CCDC7: variants seen among roughly 807,000 people sequenced by gnomAD.
CCDC7 encodes coiled-coil domain containing 7, also known as coiled-coil domain-containing protein 7.
In CCDC7, 183 loss-of-function variants were observed where a neutral mutation model predicts 196.9. The ratio of observed to expected loss-of-function variants is 0.93; its 90% CI spans 0.82 to 1.05. The LOEUF (loss-of-function observed/expected upper bound fraction) is 1.05. Ranked by LOEUF, CCDC7 falls within the 50% of genes least tolerant of loss-of-function variation. The pLI is 0.00. For synonymous variants in CCDC7, 525 were observed against 484.6 expected (o/e 1.08, Z -1.10); for missense variants, 1,540 against 1,482.2 (o/e 1.04, Z -0.64).
intron 29 of CCDC7, among the ~76,000 whole-genome samples, chr10:32,786,053 G>A (rs941436388): frequency 3.9e-5 from 6 of 152,166 alleles, no homozygotes; most frequent in Admixed American, 1.3e-4. Flanking sequence ...AGAATTAACT[G>A]CAAATACTGT....
chr10:32,499,689 A>G (rs2043571491), intron 9 of CCDC7, among the ~76,000 whole-genome samples: 1 of 151,156 alleles, frequency 6.6e-6, no homozygotes, highest in African/African-American at 2.4e-5. Context: ...TAGTGGAGGG[A>G]AGGTCAGCAG....
intron 15 of CCDC7, among the ~76,000 whole-genome samples, chr10:32,568,683 A>G (rs1295741017): frequency 6.6e-6 from 1 of 152,230 alleles, no homozygotes; most frequent in Non-Finnish European, 1.5e-5. Context: ...AAAATCTGCT[A>G]GTCATTTTAT....
intron 24 of CCDC7, among the ~76,000 whole-genome samples, chr10:32,697,913 A>C (rs796421527): frequency 3.3e-5 from 5 of 152,320 alleles, no homozygotes; most frequent in African/African-American, 1.2e-4. Context: ...ACTGGGAGAC[A>C]TCTCCCAGTA....
intron 25 of CCDC7, among the ~76,000 whole-genome samples, chr10:32,713,249 A>G (rs1411529594): frequency 3.3e-5 from 5 of 152,270 alleles, no homozygotes; most frequent in Admixed American, 6.5e-5. Flanking sequence ...ATTAAAAACT[A>G]GAAAGAATTA....
At chr10:32,516,638 C>T (rs1275287660) in intron 9 of CCDC7, among the ~76,000 whole-genome samples, 2 of 152,098 alleles carry the variant, frequency 1.3e-5, no homozygotes, top group African/African-American at 4.8e-5. Flanking sequence ...CCACTTTACA[C>T]CCACTAGGAT....
chr10:32,708,262 T>A (rs1171243151), intron 24 of CCDC7, among the ~76,000 whole-genome samples: 1 of 152,218 alleles, frequency 6.6e-6, no homozygotes, highest in East Asian at 1.9e-4. Flanking sequence ...GAAAACTGGC[T>A]AGCCATATGG....
chr10:32,850,158 A>G (rs2093492822), intron 39 of CCDC7, among the ~76,000 whole-genome samples: 1 of 152,202 alleles, frequency 6.6e-6, no homozygotes, highest in African/African-American at 2.4e-5. Context: ...GAGAAGAACA[A>G]GTCTGTCCTT....
intron 16 of CCDC7, among the ~76,000 whole-genome samples, chr10:32,576,784 C>T (rs2058246144): frequency 6.6e-6 from 1 of 151,978 alleles, no homozygotes; most frequent in East Asian, 1.9e-4. Context: ...CTCCTGGACT[C>T]AGGGACTTTT....
intron 32 of CCDC7, among the ~76,000 whole-genome samples, chr10:32,828,450 GA>G (rs2091523218): frequency 2.4e-5 from 2 of 83,912 alleles, no homozygotes; most frequent in African/African-American, 7.9e-5. Flanking sequence ...AGAAGAAGAA[GA>G]AGAAGAAGAA....
intron 20 of CCDC7, among the ~76,000 whole-genome samples, chr10:32,648,615 T>C (rs2068176211): frequency 6.6e-6 from 1 of 152,206 alleles, no homozygotes; most frequent in Admixed American, 6.5e-5. Context: ...GCTGAACTAA[T>C]TTACACTCCC....
chr10:32,763,817 AG>A (rs987210770), intron 28 of CCDC7, among the ~76,000 whole-genome samples: 3 of 151,878 alleles, frequency 2.0e-5, no homozygotes, highest in Non-Finnish European at 4.4e-5. Context: ...CCTGAGGCTG[AG>A]GGAAGGGGGA....
chr10:32,732,701 T>G (rs1046556724), intron 28 of CCDC7, among the ~76,000 whole-genome samples: 7 of 152,170 alleles, frequency 4.6e-5, no homozygotes, highest in Non-Finnish European at 1.0e-4. Flanking sequence ...AGCATTCTTA[T>G]GTTCACAGTA....
intron 41 of CCDC7, among the ~76,000 whole-genome samples, chr10:32,865,752 A>T (rs1310005060): frequency 6.6e-6 from 1 of 151,800 alleles, no homozygotes; most frequent in African/African-American, 2.4e-5. Context: ...ACAAATAAAT[A>T]TTGAGCTCTA....
At chr10:32,499,154 A>C (rs1191454551) in intron 9 of CCDC7, 2 of 151,774 alleles carry the variant, frequency 1.3e-5, no homozygotes, top group African/African-American at 2.4e-5. Flanking sequence ...TGAAGACAAA[A>C]GAAACATAAA....
intron 14 of CCDC7, among the ~76,000 whole-genome samples, chr10:32,566,943 C>A: frequency 7.0e-6 from 1 of 142,430 alleles, no homozygotes; most frequent in African/African-American, 2.6e-5. Context: ...TATGTATTAG[C>A]TATATATATG....
At chr10:32,448,643 T>C (rs1250680186), upstream of CCDC7, among the ~76,000 whole-genome samples, 1 of 152,112 alleles carries the variant, frequency 6.6e-6, no homozygotes, top group African/African-American at 2.4e-5. Context: ...CAGGATACCA[T>C]CAACTTTTGC....
At chr10:32,739,117 C>T (rs914033134) in intron 28 of CCDC7, among the ~76,000 whole-genome samples, 28 of 152,038 alleles carry the variant, frequency 1.8e-4, no homozygotes, top group African/African-American at 6.8e-4. Flanking sequence ...TAGGTCTAGA[C>T]ATTTTTGCTA....
intron 28 of CCDC7, among the ~76,000 whole-genome samples, chr10:32,757,094 T>G (rs1218620004): frequency 2.0e-5 from 3 of 152,156 alleles, no homozygotes; most frequent in African/African-American, 7.2e-5. Flanking sequence ...GCACCCAGAT[T>G]CATAAAGCAA....
chr10:32,548,435 CAT>C (rs916010534), intron 13 of CCDC7, among the ~76,000 whole-genome samples: 122 of 152,232 alleles, frequency 8.0e-4, no homozygotes, highest in African/African-American at 2.9e-3. Flanking sequence ...ACCAGGGAAA[CAT>C]ATGTGAACTA....
Sources: gnomAD v4.1 joint callset for allele counts (sites outside exome capture counted in the v4.1 genomes callset) on GRCh38, gnomAD v4.1.1 for gene constraint, MANE v1.5 for transcripts, NCBI Gene and HGNC (gene_info 2026-07-23, HGNC 2026-07-21) for gene names.